The following STK3 variants were observed in gnomAD, a reference collection of about 807,000 sequenced individuals.
STK3 encodes serine/threonine kinase 3, also known as serine/threonine-protein kinase 3.
Under a neutral mutation model 58.0 loss-of-function variants are expected in STK3, and 41 were observed. The observed-to-expected ratio is 0.71, with a 90% CI of 0.55 to 0.92. STK3 has a LOEUF of 0.92. STK3 is among the 40% of genes least tolerant of loss of function. STK3 has a pLI of 0.00. For synonymous variants in STK3, 170 were observed against 191.0 expected, an observed-to-expected ratio of 0.89 and a Z score of 0.91; for missense variants, 479 against 602.7, an observed-to-expected ratio of 0.79 and a Z score of 2.15.
At chr8:98,600,714 T>C (rs1453793933) in intron 6 of STK3, among the ~76,000 whole-genome samples, 1 of 151,830 alleles carries the variant, frequency 6.6e-6, no homozygotes, top group Non-Finnish European at 1.5e-5. Context: ...TCTCTAACGG[T>C]GGAAAACTGA....
At chr8:98,513,430 A>G (rs4735564) in intron 10 of STK3, among the ~76,000 whole-genome samples, 59,769 of 152,092 alleles carry the variant, frequency 0.39, 12,056 homozygotes, top group Admixed American at 0.52. Flanking sequence ...GGAGACTGGC[A>G]TCTCACTTTC....
At chr8:98,392,514 T>C (rs752226920), upstream of STK3, among the ~76,000 whole-genome samples, 1 of 152,150 alleles carries the variant, frequency 6.6e-6, no homozygotes, top group Non-Finnish European at 1.5e-5. Context: ...TATACCAAGA[T>C]GAAAAGAAGT....
chr8:98,712,586 A>G lies in STK3; in HGVS notation c.352-5275T>C, dbSNP rs557827730. Reference sequence around the variant, plus strand: ...ATCAATTCAACAAGAAGAGCTAACTATCCTAAATATATATGCACCCAATAC... The same window carrying G: ...ATCAATTCAACAAGAAGAGCTAACTGTCCTAAATATATATGCACCCAATAC... On this transcript the variant is annotated intron_variant, in intron 4 of 10. Coordinates refer to ENST00000419617, the MANE Select transcript of STK3 (RefSeq NM_006281.4). 6.6e-3 allele frequency among the ~76,000 whole-genome samples: 1,008 copies of G among 151,926 alleles called. 5 individuals carry two copies. The highest frequency in any genetic ancestry group is 0.023 in the African/African-American group (941 of 41,344).
chr8:98,760,313 T>C lies in STK3; in HGVS notation c.236+6930A>G, dbSNP rs1453296993. ...TGCACACACCCGGACTAATTTTTTT[T>C]ATTTTTTGTACAGACAGGGTCTCAC... On this transcript the variant is annotated intron_variant, in intron 3 of 10. Transcript: ENST00000419617. Among the ~76,000 whole-genome samples the C allele has an allele frequency of 4.6e-5, 7 of 152,180 alleles. No individual in the cohort carries two copies. The East Asian group carries it at 1.3e-3, about 29-fold the overall frequency.
intron 3 of STK3, among the ~76,000 whole-genome samples, chr8:98,848,335 C>T (rs1836292852): frequency 6.6e-6 from 1 of 151,998 alleles, no homozygotes; most frequent in Non-Finnish European, 1.5e-5. Context: ...CTGCAACCTC[C>T]GCTTTCTGGG....
chr8:98,719,876 A>C (rs2131176591), intron 4 of STK3, among the ~76,000 whole-genome samples: 1 of 152,316 alleles, frequency 6.6e-6, no homozygotes, highest in African/African-American at 2.4e-5. Flanking sequence ...GCAGATCTGA[A>C]GTTTATACAG....
chr8:98,680,878 T>C (rs1823578514), intron 6 of STK3, among the ~76,000 whole-genome samples: 1 of 151,892 alleles, frequency 6.6e-6, no homozygotes, highest in African/African-American at 2.4e-5. Flanking sequence ...TAATAGAGTA[T>C]AAAAAGAAAC....
intron 6 of STK3, among the ~76,000 whole-genome samples, chr8:98,619,421 C>T (rs1211782330): frequency 6.7e-6 from 1 of 149,356 alleles, no homozygotes; most frequent in Non-Finnish European, 1.5e-5. Context: ...ACTTCATGTC[C>T]AAAACACCAA....
At chr8:98,633,082 A>G (rs1379546017) in intron 6 of STK3, among the ~76,000 whole-genome samples, 1 of 152,216 alleles carries the variant, frequency 6.6e-6, no homozygotes, top group African/African-American at 2.4e-5. Flanking sequence ...CATATAAACT[A>G]TAACAGAAGA....
chr8:98,791,758 G>A (rs1347341600), intron 1 of STK3, among the ~76,000 whole-genome samples: 1 of 152,188 alleles, frequency 6.6e-6, no homozygotes, highest in Non-Finnish European at 1.5e-5. Context: ...CAACTGACAA[G>A]CCACATGTAG....
At chr8:98,528,752 A>G (rs981533041) in intron 9 of STK3, among the ~76,000 whole-genome samples, 2 of 152,052 alleles carry the variant, frequency 1.3e-5, no homozygotes, top group Non-Finnish European at 2.9e-5. Context: ...CCCACAAGGG[A>G]CCCTGATGGG....
At chr8:98,586,841 G>A (rs891712998) in intron 7 of STK3, among the ~76,000 whole-genome samples, 5 of 151,710 alleles carry the variant, frequency 3.3e-5, no homozygotes, top group Non-Finnish European at 7.4e-5. Flanking sequence ...TGTATGTGTC[G>A]AGGAATTTAT....
chr8:98,463,301 TTAGTGA>T (rs1487633019), intron 10 of STK3, among the ~76,000 whole-genome samples: 2 of 152,162 alleles, frequency 1.3e-5, no homozygotes, highest in Non-Finnish European at 2.9e-5. Context: ...ATTCATTTTG[TTAGTGA>T]TAGCCCTTGA....
At chr8:98,574,791 G>A (rs527842917) in intron 8 of STK3, among the ~76,000 whole-genome samples, 61 of 152,158 alleles carry the variant, frequency 4.0e-4, no homozygotes, top group African/African-American at 1.4e-3. Flanking sequence ...GAACTCAGTG[G>A]GCAGAGCAAA....
At chr8:98,346,465 A>G in the STK3 span, among the ~76,000 whole-genome samples, 1 of 151,896 alleles carries the variant, frequency 6.6e-6, no homozygotes, top group Admixed American at 6.6e-5. Context: ...TCATAAATCC[A>G]AGAAGCTCAA....
chr8:98,429,072 T>C, intron 3 of STK3: 1 of 1,613,266 alleles, frequency 6.2e-7, no homozygotes, highest in South Asian at 1.1e-5. Context: ...CCCTGCCTGC[T>C]GGTGGTGGGC....
intron 9 of STK3, among the ~76,000 whole-genome samples, chr8:98,530,936 T>C (rs1563708524): frequency 6.6e-6 from 1 of 152,238 alleles, no homozygotes; most frequent in Non-Finnish European, 1.5e-5. Flanking sequence ...ATCATGAGAT[T>C]GCAGCAATGC....
intron 3 of STK3, among the ~76,000 whole-genome samples, chr8:98,857,086 T>C (rs752192595): frequency 3.3e-5 from 5 of 152,180 alleles, no homozygotes; most frequent in African/African-American, 4.8e-5. Context: ...AGCAGATAGC[T>C]AAAGAATAGG....
At chr8:98,584,902 G>C (rs1814349693) in intron 7 of STK3, among the ~76,000 whole-genome samples, 1 of 151,648 alleles carries the variant, frequency 6.6e-6, no homozygotes, top group African/African-American at 2.4e-5. Flanking sequence ...GTCTTCTTTT[G>C]AGAAGTGTCT....
Sources: allele counts gnomAD v4.1 joint callset (sites outside exome capture counted in the v4.1 genomes callset), GRCh38; gene constraint gnomAD v4.1.1; transcripts MANE v1.5; gene names NCBI Gene and HGNC (gene_info 2026-07-23, HGNC 2026-07-21).